The following EVA1C variants were observed in gnomAD, a reference collection of about 807,000 sequenced individuals.
The protein encoded by EVA1C is eva-1 homolog C, also known as protein eva-1 homolog C.
A neutral mutation model predicts 45.4 loss-of-function variants in EVA1C; 25 were observed. The observed-to-expected ratio is 0.55, with a 90% CI of 0.40 to 0.77. The LOEUF (loss-of-function observed/expected upper bound fraction) is 0.77. EVA1C is among the 30% of genes least tolerant of loss of function. EVA1C has a pLI of 0.00. For synonymous variants in EVA1C, 190 were observed against 221.2 expected (o/e 0.86, Z 1.25); for missense variants, 479 against 554.8 (o/e 0.86, Z 1.37).
At chr21:32,437,983 C>A (rs1165007690) in intron 1 of EVA1C, among the ~76,000 whole-genome samples, 1 of 152,182 alleles carries the variant, frequency 6.6e-6, no homozygotes. Flanking sequence ...GGCCCCCGGT[C>A]TTTCCTGTTT....
chr21:32,501,071 C>T (rs2037513288), intron 5 of EVA1C, among the ~76,000 whole-genome samples: 3 of 152,174 alleles, frequency 2.0e-5, no homozygotes, highest in Non-Finnish European at 4.4e-5. Flanking sequence ...CCTCGACCTC[C>T]CGAAGTGCTA....
intron 5 of EVA1C, among the ~76,000 whole-genome samples, chr21:32,498,439 CAAA>C (rs552076847): frequency 1.6e-4 from 13 of 79,748 alleles, no homozygotes; most frequent in Admixed American, 2.6e-4. Flanking sequence ...AACTCTGTCT[CAAA>C]AAAAAAAAAA....
At chr21:32,428,791 T>C (rs1419578444) in intron 1 of EVA1C, 1 of 152,246 alleles carries the variant, frequency 6.6e-6, no homozygotes, top group African/African-American at 2.4e-5. Context: ...AAGGCAGTGT[T>C]GACTATTAAG....
chr21:32,453,959 G>A (rs549200265), intron 2 of EVA1C, among the ~76,000 whole-genome samples: 14 of 152,306 alleles, frequency 9.2e-5, no homozygotes, highest in South Asian at 6.2e-4. Context: ...GGCTGGGCGC[G>A]GTGGCTCATG....
intron 4 of EVA1C, among the ~76,000 whole-genome samples, chr21:32,493,196 T>C (rs2037224765): frequency 6.6e-6 from 1 of 152,112 alleles, no homozygotes; most frequent in South Asian, 2.1e-4. Flanking sequence ...TCTCTCCTCT[T>C]CCATTCCTTG....
intron 2 of EVA1C, among the ~76,000 whole-genome samples, chr21:32,455,913 A>T (rs2035761978): frequency 6.6e-6 from 1 of 152,036 alleles, no homozygotes; most frequent in Admixed American, 6.6e-5. Flanking sequence ...TTTGTTTGAG[A>T]CGGAGTTTCA....
In EVA1C at chr21:32,515,209, T is replaced by G; in HGVS notation, c.*19T>G. ...CTACTGAAAACCACATGCATCTTGA[T>G]GCGATCGCACTTTCTGAAGAAGGAA... On this transcript the variant is annotated 3_prime_UTR_variant, in exon 8 of 8. Transcript: ENST00000300255. 6.5e-7 allele frequency: 1 copy of G among 1,549,856 alleles called. No homozygotes were observed. The highest frequency in any genetic ancestry group is 8.7e-7 in the Non-Finnish European group (1 of 1,144,666).
At chr21:32,509,888 G>A (rs1221715134) in intron 7 of EVA1C, among the ~76,000 whole-genome samples, 1 of 151,718 alleles carries the variant, frequency 6.6e-6, no homozygotes, top group Non-Finnish European at 1.5e-5. Flanking sequence ...TGTCACGAGT[G>A]AGGAATGGCA....
At chr21:32,454,209 A>G (rs1352016926) in intron 2 of EVA1C, among the ~76,000 whole-genome samples, 1 of 152,224 alleles carries the variant, frequency 6.6e-6, no homozygotes, top group African/African-American at 2.4e-5. Context: ...AGCCTGGGCA[A>G]CAGAGCGAGA....
At chr21:32,455,808 G>A (rs1341442758) in intron 2 of EVA1C, among the ~76,000 whole-genome samples, 3 of 152,150 alleles carry the variant, frequency 2.0e-5, no homozygotes, top group African/African-American at 4.8e-5. Context: ...CAGTTCTGAC[G>A]TTGTTGGGAG....
chr21:32,416,317 TTTTC>T (rs1211295977), intron 1 of EVA1C, among the ~76,000 whole-genome samples: 9 of 114,356 alleles, frequency 7.9e-5, no homozygotes, highest in South Asian at 3.0e-4. Context: ...TTCTTTTTCT[TTTTC>T]TTTTTTTTTT....
chr21:32,477,364 G>A (rs1476841321), intron 4 of EVA1C, among the ~76,000 whole-genome samples: 1 of 152,140 alleles, frequency 6.6e-6, no homozygotes, highest in Non-Finnish European at 1.5e-5. Context: ...ATATCAAAAT[G>A]TGAATTCGTT....
chr21:32,510,227 G>A (rs143034882), intron 7 of EVA1C, among the ~76,000 whole-genome samples: 114 of 151,834 alleles, frequency 7.5e-4, no homozygotes, highest in African/African-American at 2.4e-3. Flanking sequence ...TTTAATTTTT[G>A]TATTTTTAGT....
intron 3 of EVA1C, among the ~76,000 whole-genome samples, chr21:32,462,865 T>C (rs916910126): frequency 6.6e-6 from 1 of 152,220 alleles, no homozygotes; most frequent in South Asian, 2.1e-4. Flanking sequence ...TAATCTATAA[T>C]CTATAGAAAC....
At chr21:32,503,782 T>C (rs565149345) in intron 6 of EVA1C, 144 bp from the exon 7 acceptor site, 2 of 597,506 alleles carry the variant, frequency 3.3e-6, no homozygotes, top group Admixed American at 6.2e-5. Context: ...TAATCTTCTG[T>C]AATTTAGCCA....
intron 1 of EVA1C, among the ~76,000 whole-genome samples, chr21:32,431,906 G>A (rs2034718542): frequency 6.6e-6 from 1 of 152,120 alleles, no homozygotes; most frequent in South Asian, 2.1e-4. Context: ...TCTAATGTAT[G>A]GACCTCATTC....
At chr21:32,433,307 T>C (rs2034786422) in intron 1 of EVA1C, 2 of 152,308 alleles carry the variant, frequency 1.3e-5, no homozygotes, top group Non-Finnish European at 2.9e-5. Context: ...GTGCGTATGT[T>C]GGTTGGGGCC....
chr21:32,504,803 G>T (rs2037671056), intron 7 of EVA1C, among the ~76,000 whole-genome samples: 1 of 152,122 alleles, frequency 6.6e-6, no homozygotes, highest in Non-Finnish European at 1.5e-5. Flanking sequence ...GAAAATAGAG[G>T]CTTAGGGAAT....
Position 32,496,653 on chromosome 21 carries a change from G to A in EVA1C, c.778+1483G>A, listed in dbSNP as rs115155362. Among the ~76,000 whole-genome samples the A allele has an allele frequency of 5.0e-3, 757 of 152,294 alleles. 9 individuals are homozygous for A. Among genetic ancestry groups the A allele is most frequent in the African/African-American group, 0.017 (721 of 41,550 alleles). ...CTGGTAGAATGGAGGACGGTAGACT[G>A]GACACGGGTCACACTGAGGTTCCAG... is the stretch of plus-strand genomic sequence containing the variant. On this transcript the variant is annotated intron_variant, in intron 5 of 7. Transcript: ENST00000300255.
Sources: allele counts gnomAD v4.1 joint callset (sites outside exome capture counted in the v4.1 genomes callset), GRCh38; gene constraint gnomAD v4.1.1; transcripts MANE v1.5; gene names NCBI Gene and HGNC (gene_info 2026-07-23, HGNC 2026-07-21).